TNFAIP6: variants seen among roughly 807,000 people sequenced by gnomAD.
The protein encoded by TNFAIP6 is tumor necrosis factor-inducible gene 6 protein.
TNFAIP6 carries 36 observed loss-of-function variants against 33.7 expected under a neutral mutation model. The ratio of observed to expected loss-of-function variants is 1.07; its 90% CI spans 0.82 to 1.41. The LOEUF (loss-of-function observed/expected upper bound fraction) is 1.41, where lower values mean the gene tolerates loss of function less well. Among genes scored for constraint, TNFAIP6 ranks in the 40% most tolerant of loss-of-function variants. The pLI is 0.00. For synonymous variants in TNFAIP6, 113 were observed against 112.8 expected, an observed-to-expected ratio of 1.00 and a Z score of -0.01; for missense variants, 273 against 331.9, an observed-to-expected ratio of 0.82 and a Z score of 1.38.
At chr2:151,366,375 G>A (rs185329522) in intron 3 of TNFAIP6, among the ~76,000 whole-genome samples, 158 bp downstream of exon 3, 128 of 151,992 alleles carry the variant, frequency 8.4e-4, no homozygotes, top group African/African-American at 2.9e-3. Context: ...TACTATACCC[G>A]ACATTGAGTT....
intron 2 of TNFAIP6, among the ~76,000 whole-genome samples, chr2:151,364,974 A>G (rs1210658811): frequency 1.3e-5 from 2 of 152,112 alleles, no homozygotes; most frequent in African/African-American, 4.8e-5. Flanking sequence ...AGATACTAAA[A>G]CAGCCTCTGA....
intron 5 of TNFAIP6, among the ~76,000 whole-genome samples, chr2:151,376,938 G>C (rs1413700944): frequency 7.2e-6 from 1 of 138,592 alleles, no homozygotes; most frequent in African/African-American, 2.7e-5. Context: ...GTGCAAGGGC[G>C]CCATCACAGC....
chr2:151,369,932 A>C (rs532039203), intron 3 of TNFAIP6, 88 bp from the exon 4 acceptor site: 8 of 988,890 alleles, frequency 8.1e-6, no homozygotes, highest in Non-Finnish European at 1.2e-5. Context: ...ATAAAAAGTA[A>C]TAGATTGCTA....
intron 5 of TNFAIP6, among the ~76,000 whole-genome samples, chr2:151,375,590 C>G (rs1684893302): frequency 1.3e-5 from 2 of 152,182 alleles, no homozygotes; most frequent in South Asian, 2.1e-4. Flanking sequence ...CGCCTGTAGT[C>G]CCAGCCACTT....
chr2:151,376,369 T>C (rs1210275647), intron 5 of TNFAIP6, among the ~76,000 whole-genome samples: 1 of 147,850 alleles, frequency 6.8e-6, no homozygotes, highest in African/African-American at 2.5e-5. Flanking sequence ...TAGTGAGCCA[T>C]GATCATGCCA....
chr2:151,370,258 G>A lies in TNFAIP6; in HGVS notation c.623+10G>A. ...ATGGCTTTGTGGGAAGGTACGTATG[G>A]GTCCCCATACAGGAAGTTAAATGAA... On this transcript the variant is annotated intron_variant, in intron 4 of 5. Coordinates refer to ENST00000243347, the MANE Select transcript of TNFAIP6 (RefSeq NM_007115.4). 2.5e-6 allele frequency: 4 copies of A among 1,596,752 alleles called. No homozygotes were observed. In the East Asian group the frequency reaches 6.7e-5, roughly 27 times the overall value.
At position 151,370,124 on chromosome 2, in the gene TNFAIP6, C is replaced by T. The variant is rs1434394866; in HGVS notation, c.499C>T (p.Leu167Phe). The change falls in exon 4 of 6, where the codon CTC (leucine) becomes TTC (phenylalanine). Residue 167 changes from leucine to phenylalanine, a missense_variant. By Grantham distance (22) the Leu-to-Phe change is conservative. Transcript: ENST00000243347. Reference protein sequence around the residue: ...DNQICYWHIRLKYGQRIHLSF... With the variant: ...DNQICYWHIRFKYGQRIHLSF... ...CCAAATCTGCTACTGGCACATTAGA[C>T]TCAAGTATGGTCAGCGTATTCACCT... The T allele has an allele frequency of 4.3e-6, 7 of 1,613,948 alleles. No homozygotes were observed. The highest frequency in any genetic ancestry group is 2.2e-5 in the South Asian group (2 of 91,088).
Position 151,379,359 on chromosome 2 carries a change from A to G in TNFAIP6, c.665-5A>G. 3 of 1,577,612 alleles carry G rather than the reference A, an allele frequency of 1.9e-6. No homozygotes were observed. Among genetic ancestry groups the G allele is most frequent in the Non-Finnish European group, 2.6e-6 (3 of 1,168,320 alleles). On this transcript the variant is annotated splice_region_variant and splice_polypyrimidine_tract_variant and intron_variant, in intron 5 of 5. Transcript: ENST00000243347. ...TTTGTTCTTTTGCCTCCTTCCCCGCAACAGGAAATGTCATGACCTTGAAGT... is the reference window on the plus strand; with the variant it reads ...TTTGTTCTTTTGCCTCCTTCCCCGCGACAGGAAATGTCATGACCTTGAAGT...
intron 1 of TNFAIP6, among the ~76,000 whole-genome samples, chr2:151,363,508 AAAAATT>A (rs1027902677): frequency 1.3e-5 from 2 of 151,046 alleles, no homozygotes; most frequent in African/African-American, 4.9e-5. Context: ...AAAAAAAAAA[AAAAATT>A]AGCCAGGCGT....
At position 151,377,163 on chromosome 2, in the gene TNFAIP6, C is replaced by CTTTTT. The variant is rs572306384; in HGVS notation, c.665-2197_665-2196insTTTTT. Among the ~76,000 whole-genome samples the CTTTTT allele has an allele frequency of 9.2e-3, 1,352 of 146,762 alleles. 21 individuals are homozygous for CTTTTT. The highest frequency in any genetic ancestry group is 0.032 in the African/African-American group (1,248 of 39,506). On this transcript the variant is annotated intron_variant, in intron 5 of 5. Coordinates refer to ENST00000243347, the MANE Select transcript of TNFAIP6 (RefSeq NM_007115.4). ...TGACTCCCAATTTACATTTTCTTTT[C>CTTTTT]TTTTCTTTTCTTTTCTTTTTTTTTG...
intron 5 of TNFAIP6, among the ~76,000 whole-genome samples, chr2:151,376,809 T>A (rs6726714): frequency 0.15 from 22,725 of 151,104 alleles, 1,813 homozygotes; most frequent in African/African-American, 0.2. Flanking sequence ...ACTCAGTAAT[T>A]CTACTTTAAA....
At chr2:151,376,865 C>CTTTTTTTTTTTT (rs71403162) in intron 5 of TNFAIP6, among the ~76,000 whole-genome samples, 1,045 of 114,200 alleles carry the variant, frequency 9.2e-3, no homozygotes, top group Middle Eastern at 0.021. Context: ...TTTTTCTTTT[C>CTTTTTTTTTTTT]TTTTTTTTTT....
At chr2:151,375,125 CA>C (rs71403161) in intron 5 of TNFAIP6, among the ~76,000 whole-genome samples, 1,633 of 78,910 alleles carry the variant, frequency 0.021, 16 homozygotes, top group East Asian at 0.12. Flanking sequence ...AACTCCGTCT[CA>C]AAAAAAAAAA....
intron 5 of TNFAIP6, among the ~76,000 whole-genome samples, chr2:151,376,865 C>CTTTTTTTTTTTTTTTTTTTTTTTT (rs71403162): frequency 2.6e-5 from 3 of 114,162 alleles, no homozygotes; most frequent in Non-Finnish European, 3.5e-5. Flanking sequence ...TTTTTCTTTT[C>CTTTTTTTTTTTTTTTTTTTTTTTT]TTTTTTTTTT....
At chr2:151,369,259 A>G (rs974756475) in intron 3 of TNFAIP6, among the ~76,000 whole-genome samples, 3 of 152,186 alleles carry the variant, frequency 2.0e-5, no homozygotes, top group Non-Finnish European at 4.4e-5. Flanking sequence ...AAAAGATAAA[A>G]TAAAAATATT....
intron 5 of TNFAIP6, among the ~76,000 whole-genome samples, chr2:151,376,528 CA>C (rs1243696096): frequency 6.6e-6 from 1 of 152,058 alleles, no homozygotes; most frequent in Non-Finnish European, 1.5e-5. Flanking sequence ...CTCTCCATCC[CA>C]GAAAGGCATT....
intron 5 of TNFAIP6, among the ~76,000 whole-genome samples, chr2:151,377,530 C>T (rs1256448748): frequency 6.6e-6 from 1 of 152,068 alleles, no homozygotes; most frequent in Admixed American, 6.6e-5. Flanking sequence ...CGACTCATAC[C>T]TAACCAATTT....
intron 4 of TNFAIP6, among the ~76,000 whole-genome samples, chr2:151,370,711 G>A (rs1056484884): frequency 6.6e-6 from 1 of 152,206 alleles, no homozygotes; most frequent in African/African-American, 2.4e-5. Flanking sequence ...ACAATAGGAG[G>A]AAGAAAGATA....
intron 1 of TNFAIP6, among the ~76,000 whole-genome samples, chr2:151,362,212 A>G (rs1684635455): frequency 6.6e-6 from 1 of 152,214 alleles, no homozygotes; most frequent in Non-Finnish European, 1.5e-5. Context: ...TTTCTATGGT[A>G]GAAGGGACTC....
Sources: gnomAD v4.1 joint callset for allele counts (sites outside exome capture counted in the v4.1 genomes callset) on GRCh38, gnomAD v4.1.1 for gene constraint, MANE v1.5 for transcripts, NCBI Gene and HGNC (gene_info 2026-07-23, HGNC 2026-07-21) for gene names.